Variants in DTWD1 observed in about 807,000 individuals in gnomAD.
DTWD1 encodes DTW motif tRNA-uridine aminocarboxypropyltransferase 1.
A neutral mutation model predicts 30.2 loss-of-function variants in DTWD1; 27 were observed. The observed-to-expected ratio is 0.90, with a 90% CI of 0.66 to 1.23. DTWD1 has a LOEUF of 1.23. DTWD1 is among the 50% of genes most tolerant of loss of function. The pLI is 0.00. For synonymous variants in DTWD1, 99 were observed against 113.1 expected, an observed-to-expected ratio of 0.88 and a Z score of 0.79; for missense variants, 342 against 348.8, an observed-to-expected ratio of 0.98 and a Z score of 0.15.
chr15:49,631,976 G>C, intron 2 of DTWD1, 183 bp from the exon 3 acceptor site: 1 of 647,960 alleles, frequency 1.5e-6, no homozygotes, highest in Non-Finnish European at 2.7e-6. Flanking sequence ...ACAATGCCAA[G>C]GAAGAAATTT....
In DTWD1 at chr15:49,625,276, C is replaced by G. The variant is rs1307979066; in HGVS notation, c.109C>G (p.Gln37Glu). 1 of 1,613,556 alleles carries G rather than the reference C, an allele frequency of 6.2e-7. No homozygotes were observed. The highest frequency in any genetic ancestry group is 1.7e-5 in the Admixed American group (1 of 59,932). ...TTCCATAGCTTCAGAAGATCCCCTT[C>G]AAAACTTATGTTTAGCATCTCAAGA... ...TTSIASEDPL[Q>E]NLCLASQEVL... is the part of the protein sequence containing the mutation. Residue 37 changes from glutamine to glutamate, a missense_variant, in exon 2 of 5, where the codon CAA becomes GAA. Gln to Glu is a conservative substitution (Grantham distance 29, BLOSUM62 2). Coordinates refer to ENST00000403028, the MANE Select transcript of DTWD1 (RefSeq NM_001144955.2).
intron 4 of DTWD1, among the ~76,000 whole-genome samples, chr15:49,636,328 A>C (rs2079002477): frequency 6.6e-6 from 1 of 152,110 alleles, no homozygotes; most frequent in African/African-American, 2.4e-5. Context: ...GTGTAAAAAA[A>C]AAAAAAAAGG....
intron 2 of DTWD1, chr15:49,629,840 G>A (rs1256118741): frequency 6.6e-6 from 1 of 152,178 alleles, no homozygotes; most frequent in Non-Finnish European, 1.5e-5. Context: ...AGCGGGGAGG[G>A]TAGGAGATAC....
Position 49,649,318 on chromosome 15 carries a change from A to C in DTWD1, c.*5740A>C, listed in dbSNP as rs1257741262. 1 of 152,186 alleles carries C rather than the reference A, an allele frequency of 6.6e-6. No homozygotes were observed. Among genetic ancestry groups the C allele is most frequent in the Non-Finnish European group, 1.5e-5 (1 of 68,038 alleles). 9.4% of individuals were successfully genotyped at this position (152,186 alleles called of 1,614,324 possible). On this transcript the variant is annotated 3_prime_UTR_variant, in exon 5 of 5. Transcript: ENST00000403028. Reference sequence around the variant, plus strand: ...ATTAATCAAGTATGAATATAGTATAAAGACACAGAAGGTCTCAAAGGTATT... The same window carrying C: ...ATTAATCAAGTATGAATATAGTATACAGACACAGAAGGTCTCAAAGGTATT...
At position 49,625,174 on chromosome 15, in the gene DTWD1, C is replaced by T; in HGVS notation, c.7C>T (p.Leu3Phe). MSLNPPIFLKRSE... is the reference protein window; with the variant it reads MSFNPPIFLKRSE... ...ACTTTGGTTTGAATGAAGAATGTCT[C>T]TCAATCCACCTATATTTCTCAAACG... Residue 3 changes from leucine to phenylalanine, a missense_variant, in exon 2 of 5, where the codon CTC (leucine) becomes TTC (phenylalanine). By Grantham distance (22) the Leu-to-Phe change is conservative (BLOSUM62 0). Coordinates refer to ENST00000403028, the MANE Select transcript of DTWD1 (RefSeq NM_001144955.2). 6.2e-7 allele frequency: 1 copy of T among 1,612,536 alleles called. No homozygotes were observed. The highest frequency in any genetic ancestry group is 8.5e-7 in the Non-Finnish European group (1 of 1,179,198).
At position 49,625,420 on chromosome 15, in the gene DTWD1, C is replaced by G; in HGVS notation, c.253C>G (p.Pro85Ala). 1 of 1,607,760 alleles carries G rather than the reference C, an allele frequency of 6.2e-7. No homozygotes were observed. Among genetic ancestry groups the G allele is most frequent in the Non-Finnish European group, 8.5e-7 (1 of 1,177,038 alleles). Residue 85 changes from proline to alanine, a missense_variant, in exon 2 of 5, where the codon CCA becomes GCA. Transcript: ENST00000403028. The stretch of plus-strand genomic sequence containing the variant: ...TGAAAATGTACCTATTGAACAGATT[C>G]CACTTGTGAAGGTTAGTAAGAAATT... ...PVENVPIEQI[P>A]LVKLPLKIDI...
chr15:49,621,644 T>C (rs2078716623), intron 1 of DTWD1, among the ~76,000 whole-genome samples: 1 of 152,148 alleles, frequency 6.6e-6, no homozygotes, highest in South Asian at 2.1e-4. Flanking sequence ...TAAGGAAGTA[T>C]ATTAACATTT....
chr15:49,643,635 GT>G lies in DTWD1; in HGVS notation c.*58del. ...TGCTAACATTAATAAACTTATATTT[GT>G]GCTTTGTTTTTTCTTAAGAAATAAT... On this transcript the variant is annotated 3_prime_UTR_variant, in exon 5 of 5. Coordinates refer to ENST00000403028, the MANE Select transcript of DTWD1 (RefSeq NM_001144955.2). 6.7e-7 allele frequency: 1 copy of G among 1,495,596 alleles called. No individual in the cohort carries two copies. Among genetic ancestry groups the G allele is most frequent in the Non-Finnish European group, 8.9e-7 (1 of 1,117,780 alleles). The allele number at this position is 1,495,596 out of a possible 1,614,324, so 92.6% of individuals were successfully genotyped here. A position where few individuals can be genotyped will look rare whatever the true frequency, so the allele number is the denominator to read the frequency against.
At chr15:49,629,836 G>A (rs2078894940) in intron 2 of DTWD1, 1 of 152,204 alleles carries the variant, frequency 6.6e-6, no homozygotes, top group Non-Finnish European at 1.5e-5. Context: ...CCTAAGCGGG[G>A]AGGGTAGGAG....
In DTWD1 at chr15:49,649,759, A is replaced by T. The variant is rs901931051; in HGVS notation, c.*6181A>T. Reference sequence around the variant, plus strand: ...TCTCAAAAAAAATAAATAAAAAAATAAAAAGTCAGCAAAGGGAAGTTTCAG... The same window carrying T: ...TCTCAAAAAAAATAAATAAAAAAATTAAAAGTCAGCAAAGGGAAGTTTCAG... On this transcript the variant is annotated 3_prime_UTR_variant, in exon 5 of 5. Transcript: ENST00000403028. The T allele has an allele frequency of 5.9e-5, 9 of 152,034 alleles. No individual in the cohort carries two copies. The highest frequency in any genetic ancestry group is 2.2e-4 in the African/African-American group (9 of 41,398). 9.4% of individuals were successfully genotyped at this position (152,034 alleles called of 1,614,324 possible). A position where few individuals can be genotyped will look rare whatever the true frequency, so the allele number is the denominator to read the frequency against.
At position 49,646,671 on chromosome 15, in the gene DTWD1, T is replaced by C. The variant is rs995552941; in HGVS notation, c.*3093T>C. 2 of 152,166 alleles carry C rather than the reference T, an allele frequency of 1.3e-5. No homozygotes were observed. The highest frequency in any genetic ancestry group is 2.9e-5 in the Non-Finnish European group (2 of 68,028). The allele number at this position is 152,166 out of a possible 1,614,324, so 9.4% of individuals were successfully genotyped here. ...ATGGACTGTATAGAGACACTGTTTTTCATCTTGCCTGTCCAGAAGCGTACT... is the reference window on the plus strand; with the variant it reads ...ATGGACTGTATAGAGACACTGTTTTCCATCTTGCCTGTCCAGAAGCGTACT... On this transcript the variant is annotated 3_prime_UTR_variant, in exon 5 of 5. Coordinates refer to ENST00000403028, the MANE Select transcript of DTWD1 (RefSeq NM_001144955.2).
rs1455912361 is a variant in DTWD1 at position 49,654,877 on chromosome 15, C to A, written c.*11299C>A. 1 of 152,028 alleles carries A rather than the reference C, an allele frequency of 6.6e-6. No homozygotes were observed. Among genetic ancestry groups the A allele is most frequent in the Non-Finnish European group, 1.5e-5 (1 of 67,976 alleles). 9.4% of individuals were successfully genotyped at this position (152,028 alleles called of 1,614,324 possible). ...GACTGAAAATATGGAAATCCAAGAT[C>A]AGAGTTTCAGCATGGTTAGGTGTTT... On this transcript the variant is annotated 3_prime_UTR_variant, in exon 5 of 5. Coordinates refer to ENST00000403028, the MANE Select transcript of DTWD1 (RefSeq NM_001144955.2).
chr15:49,630,371 GGTAAA>G (rs2153352109), intron 2 of DTWD1, among the ~76,000 whole-genome samples: 1 of 152,196 alleles, frequency 6.6e-6, no homozygotes, highest in Non-Finnish European at 1.5e-5. Context: ...GTGTGCCCAG[GGTAAA>G]TTCCTAGAAT....
At position 49,653,355 on chromosome 15, in the gene DTWD1, C is replaced by T. The variant is rs1000269723; in HGVS notation, c.*9777C>T. 1 of 152,092 alleles carries T rather than the reference C, an allele frequency of 6.6e-6. No homozygotes were observed. Among genetic ancestry groups the T allele is most frequent in the Non-Finnish European group, 1.5e-5 (1 of 68,006 alleles). The allele number at this position is 152,092 out of a possible 1,614,324, so 9.4% of individuals were successfully genotyped here. ...ATAGGAACCACAAGCCCCAAGCAGC[C>T]TCTGGAAGCTGGAAAAAGCAAAGAA... On this transcript the variant is annotated 3_prime_UTR_variant, in exon 5 of 5. Coordinates refer to ENST00000403028, the MANE Select transcript of DTWD1 (RefSeq NM_001144955.2).
intron 2 of DTWD1, among the ~76,000 whole-genome samples, chr15:49,626,441 C>G (rs16962666): frequency 0.06 from 9,082 of 152,160 alleles, 706 homozygotes; most frequent in African/African-American, 0.18. Context: ...GGCTCACCAA[C>G]ACTACTTTTG....
intron 4 of DTWD1, 100 bp from the exon 5 acceptor site, chr15:49,643,227 GAATA>G: frequency 7.7e-7 from 1 of 1,298,234 alleles, no homozygotes. Context: ...AAAATTCTTA[GAATA>G]ATTAAGAGAA....
chr15:49,622,060 C>T (rs942446345), intron 1 of DTWD1, among the ~76,000 whole-genome samples: 2 of 152,302 alleles, frequency 1.3e-5, no homozygotes, highest in Middle Eastern at 3.4e-3. Flanking sequence ...TTGTGCTAGG[C>T]TGCAGACGGC....
At position 49,647,488 on chromosome 15, in the gene DTWD1, A is replaced by G. The variant is rs2153354511; in HGVS notation, c.*3910A>G. On this transcript the variant is annotated 3_prime_UTR_variant, in exon 5 of 5. Transcript: ENST00000403028. ...CAGAATAAGCTGACTGTTATTAAGT[A>G]CAATAGATAAGGTACCTAAGAGCCT... 1 of 152,324 alleles carries G rather than the reference A, an allele frequency of 6.6e-6. No individual in the cohort carries two copies. Among genetic ancestry groups the G allele is most frequent in the African/African-American group, 2.4e-5 (1 of 41,580 alleles). 9.4% of individuals were successfully genotyped at this position (152,324 alleles called of 1,614,324 possible).
chr15:49,623,672 G>C (rs1204021851), intron 1 of DTWD1: 2 of 152,134 alleles, frequency 1.3e-5, no homozygotes, highest in East Asian at 3.9e-4. Flanking sequence ...ATTTTCTAGG[G>C]ATGCGGTTTA....
Sources: allele counts gnomAD v4.1 joint callset (sites outside exome capture counted in the v4.1 genomes callset), GRCh38; gene constraint gnomAD v4.1.1; transcripts MANE v1.5; gene names NCBI Gene and HGNC (gene_info 2026-07-23, HGNC 2026-07-21).